The following BICDL1 variants were observed in gnomAD, a reference collection of about 807,000 sequenced individuals.
The protein encoded by BICDL1 is BICD family like cargo adaptor 1.
Under a neutral mutation model 76.8 loss-of-function variants are expected in BICDL1, and 20 were observed. The observed-to-expected ratio is 0.26, with a 90% CI of 0.18 to 0.38. BICDL1 has a LOEUF of 0.38. Ranked by LOEUF, BICDL1 falls within the 10% of genes least tolerant of loss-of-function variation. BICDL1 has a pLI of 1.00. For missense variants in BICDL1, 700 were observed against 798.6 expected, an observed-to-expected ratio of 0.88 and a Z score of 1.49; for synonymous variants, 383 against 337.1, an observed-to-expected ratio of 1.14 and a Z score of -1.49.
intron 2 of BICDL1, among the ~76,000 whole-genome samples, chr12:120,055,844 T>C (rs1485498916): frequency 6.6e-6 from 1 of 152,268 alleles, no homozygotes; most frequent in African/African-American, 2.4e-5. Flanking sequence ...TATAAATTGA[T>C]GCAACCTTTT....
chr12:120,040,367 C>T (rs79594263), intron 2 of BICDL1, among the ~76,000 whole-genome samples: 8,477 of 152,060 alleles, frequency 0.056, 467 homozygotes, highest in African/African-American at 0.14. Flanking sequence ...CTGAGATTAA[C>T]AAGCGTGAGC....
At chr12:120,076,091 G>A (rs1223421064) in intron 7 of BICDL1, among the ~76,000 whole-genome samples, 2 of 152,210 alleles carry the variant, frequency 1.3e-5, no homozygotes, top group Admixed American at 6.5e-5. Flanking sequence ...ACCAAGAGGC[G>A]GAGGTTGCAA....
chr12:120,024,105 C>T (rs1952240466), intron 2 of BICDL1, among the ~76,000 whole-genome samples: 1 of 151,982 alleles, frequency 6.6e-6, no homozygotes. Flanking sequence ...CATGGTGAAA[C>T]CCTGTCTCTA....
chr12:120,074,547 G>C lies in BICDL1; in HGVS notation c.1413G>C (p.Leu471=), dbSNP rs1161282547. The stretch of plus-strand genomic sequence containing the variant: ...TCATGGAGGGAGAGAGGGGTAAACT[G>C]AGGCAAAGCCTAGAAGAGCTGCAGC... The part of the protein sequence containing the change: ...RELMEGERGK[L]RQSLEELQRL... The change falls in exon 7 of 10, where the codon CTG becomes CTC. Residue 471 remains leucine (L), a synonymous_variant. Coordinates refer to ENST00000548673, the MANE Select transcript of BICDL1 (RefSeq NM_001367886.1). 2.2e-5 allele frequency: 28 copies of C among 1,270,806 alleles called. No individual in the cohort carries two copies. Among genetic ancestry groups the C allele is most frequent in the Non-Finnish European group, 2.9e-5 (28 of 979,172 alleles). 78.7% of individuals were successfully genotyped at this position (1,270,806 alleles called of 1,614,324 possible).
Position 120,093,490 on chromosome 12 carries a change from C to T in BICDL1, c.*329C>T, listed in dbSNP as rs149895917. ...GCTTTGCAGCTCACACCCAACAGAT[C>T]GCAGCCCACCCCCAGGCACTGCTGC... On this transcript the variant is annotated 3_prime_UTR_variant, in exon 10 of 10. Transcript: ENST00000548673. 4.0e-4 allele frequency: 122 copies of T among 305,572 alleles called. No individual in the cohort carries two copies. In the East Asian group the frequency reaches 9.5e-3, roughly 24 times the overall value. The allele number at this position is 305,572 out of a possible 1,614,324, so 18.9% of individuals were successfully genotyped here. A position where few individuals can be genotyped will look rare whatever the true frequency, so the allele number is the denominator to read the frequency against.
chr12:120,032,031 G>A lies in BICDL1; in HGVS notation c.646-29679G>A, dbSNP rs938138948. Among the ~76,000 whole-genome samples, 3 of 152,176 alleles carry A rather than the reference G, an allele frequency of 2.0e-5. No individual in the cohort carries two copies. The South Asian group carries it at 6.2e-4, about 32-fold the overall frequency. On this transcript the variant is annotated intron_variant, in intron 2 of 9. Transcript: ENST00000548673. ...TTCTTGAGCCCAGGAGTTTGAGGCT[G>A]CAGTGAGCTATGATCACACTACTGC...
At chr12:120,063,426 A>G (rs1006656057) in intron 3 of BICDL1, among the ~76,000 whole-genome samples, 30 of 152,150 alleles carry the variant, frequency 2.0e-4, no homozygotes, top group African/African-American at 6.5e-4. Context: ...ACAACATCCT[A>G]TCTGATTGAA....
At chr12:120,050,423 C>A (rs528319605) in intron 2 of BICDL1, among the ~76,000 whole-genome samples, 1 of 151,706 alleles carries the variant, frequency 6.6e-6, no homozygotes, top group Non-Finnish European at 1.5e-5. Flanking sequence ...CCCGCCACCA[C>A]GCCCAGCTAA....
intron 2 of BICDL1, chr12:120,057,128 A>G (rs1172274094): frequency 9.6e-6 from 5 of 520,388 alleles, no homozygotes; most frequent in East Asian, 5.5e-5. Flanking sequence ...GGACATTATC[A>G]TGGATGACAG....
At chr12:120,080,423 CGGG>C (rs1566265688) in intron 7 of BICDL1, among the ~76,000 whole-genome samples, 1 of 152,094 alleles carries the variant, frequency 6.6e-6, no homozygotes, top group African/African-American at 2.4e-5. Flanking sequence ...AGGGCTGTCA[CGGG>C]GGAGCAGGGA....
intron 1 of BICDL1, among the ~76,000 whole-genome samples, chr12:119,997,906 G>T (rs560853653): frequency 3.6e-4 from 55 of 152,132 alleles, no homozygotes; most frequent in Non-Finnish European, 7.5e-4. Flanking sequence ...ACGAGGTCAA[G>T]AAATCGAGAC....
intron 2 of BICDL1, among the ~76,000 whole-genome samples, chr12:120,037,616 A>G (rs1325459407): frequency 1.3e-5 from 2 of 152,164 alleles, no homozygotes; most frequent in Admixed American, 1.3e-4. Flanking sequence ...TCAATTTCCA[A>G]CACTTTGGAG....
At chr12:120,015,034 G>A (rs1045852772) in intron 2 of BICDL1, among the ~76,000 whole-genome samples, 6 of 152,058 alleles carry the variant, frequency 3.9e-5, no homozygotes, top group Non-Finnish European at 7.4e-5. Context: ...GAGAGTCAGG[G>A]AAAGTGACAA....
chr12:120,000,612 G>A (rs188701482), intron 2 of BICDL1: 5 of 152,260 alleles, frequency 3.3e-5, no homozygotes, highest in African/African-American at 7.2e-5. Flanking sequence ...AAGATTTCTT[G>A]GGGGCTAAGT....
intron 2 of BICDL1, among the ~76,000 whole-genome samples, chr12:120,001,422 A>G (rs1365921714): frequency 3.3e-5 from 5 of 151,276 alleles, no homozygotes; most frequent in Non-Finnish European, 7.4e-5. Flanking sequence ...AATTTTTTGT[A>G]TTTTTAGTAG....
chr12:120,003,503 ACACT>A (rs1951798549), intron 2 of BICDL1, among the ~76,000 whole-genome samples: 1 of 152,174 alleles, frequency 6.6e-6, no homozygotes, highest in Non-Finnish European at 1.5e-5. Context: ...CCTGACTTTC[ACACT>A]CACTCTTACA....
intron 7 of BICDL1, among the ~76,000 whole-genome samples, chr12:120,075,542 G>A (rs1873474987): frequency 6.6e-6 from 1 of 152,126 alleles, no homozygotes; most frequent in Non-Finnish European, 1.5e-5. Flanking sequence ...ACAGGCGTAC[G>A]CCACCATGCC....
At position 120,040,655 on chromosome 12, in the gene BICDL1, A is replaced by G. The variant is rs375778628; in HGVS notation, c.646-21055A>G. ...GGTCTTGAACTCCTGAGCTCAAGCC[A>G]TCTGTCAGCCGCAGTCTCCCAAAGT... On this transcript the variant is annotated intron_variant, in intron 2 of 9. Transcript: ENST00000548673. Among the ~76,000 whole-genome samples the G allele has an allele frequency of 3.3e-5, 5 of 152,068 alleles. No individual in the cohort carries two copies. The East Asian group carries it at 7.7e-4, about 24-fold the overall frequency.
rs574928918 is a variant in BICDL1 at position 120,092,825 on chromosome 12, C to T, written c.1705-175C>T. ...GGAGGTGCCATACGGCTCCTGCGTG[C>T]GCCTGGTGTCTTGCCCACGCTCACC... On this transcript the variant is annotated intron_variant, in intron 9 of 9. Coordinates refer to ENST00000548673, the MANE Select transcript of BICDL1 (RefSeq NM_001367886.1). 1.8e-5 allele frequency: 18 copies of T among 985,442 alleles called. No individual in the cohort carries two copies. In the Admixed American group the frequency reaches 5.5e-4, roughly 30 times the overall value. The allele number at this position is 985,442 out of a possible 1,614,324, so 61.0% of individuals were successfully genotyped here.
Sources: gnomAD v4.1 joint callset for allele counts (sites outside exome capture counted in the v4.1 genomes callset) on GRCh38, gnomAD v4.1.1 for gene constraint, MANE v1.5 for transcripts, NCBI Gene and HGNC (gene_info 2026-07-23, HGNC 2026-07-21) for gene names.